Variants in CWH43 observed in about 807,000 individuals in gnomAD.
CWH43 encodes PGAP2-interacting protein.
CWH43 carries 91 observed loss-of-function variants against 85.7 expected under a neutral mutation model. The ratio of observed to expected loss-of-function variants is 1.06; its 90% confidence interval spans 0.90 to 1.26. The LOEUF is 1.26. CWH43 is among the 50% of genes most tolerant of loss of function. The pLI is 0.00. For synonymous variants in CWH43, 323 were observed against 293.6 expected (o/e 1.10, Z -1.02); for missense variants, 869 against 839.2 (o/e 1.04, Z -0.44).
rs779833322 is a variant in CWH43, at chr4:48,988,627, A to G, written c.194A>G (p.Asn65Ser). ...ATTACTCCTTTCTGGAAATTGGTTA[A>G]CAAGAAGTGGATGCTAACCCTGCTG... ...LTITPFWKLV[N>S]KKWMLTLLRI... The change falls in exon 2 of 16, where the codon AAC becomes AGC. Residue 65 changes from asparagine (N) to serine (S), a missense_variant. Transcript: ENST00000226432. 2 of 1,612,994 alleles carry G rather than the reference A, an allele frequency of 1.2e-6. No homozygotes were observed. The highest frequency in any genetic ancestry group is 3.3e-5 in the Admixed American group (2 of 59,938).
At chr4:49,013,561 C>T (rs1783437526) in intron 8 of CWH43, among the ~76,000 whole-genome samples, 1 of 152,242 alleles carries the variant, frequency 6.6e-6, no homozygotes, top group Non-Finnish European at 1.5e-5. Context: ...CAGAAATCGC[C>T]TGTCTTCTGT....
intron 4 of CWH43, 53 bp from the exon 5 acceptor site, chr4:48,994,566 C>G (rs753030703): frequency 9.0e-6 from 13 of 1,451,994 alleles, no homozygotes; most frequent in Non-Finnish European, 1.1e-5. Flanking sequence ...AAATATAGAG[C>G]GCAAATTTCC....
At chr4:48,988,690 T>C in intron 2 of CWH43, 22 bp downstream of exon 2, 1 of 1,489,010 alleles carries the variant, frequency 6.7e-7, no homozygotes, top group Non-Finnish European at 9.0e-7. Context: ...AAGAGTTTCT[T>C]TAAGTTGTTT....
At chr4:49,038,252 A>G in intron 13 of CWH43, 72 bp downstream of exon 13, 1 of 1,325,234 alleles carries the variant, frequency 7.5e-7, no homozygotes, top group Non-Finnish European at 1.0e-6. Context: ...TTTTAAAAAA[A>G]CCAACCTCAC....
chr4:49,025,441 T>G (rs777400841), intron 9 of CWH43, among the ~76,000 whole-genome samples: 7 of 152,310 alleles, frequency 4.6e-5, no homozygotes, highest in Non-Finnish European at 5.9e-5. Flanking sequence ...TTTTGCCATA[T>G]TAATAGAATT....
intron 1 of CWH43, among the ~76,000 whole-genome samples, chr4:48,986,958 CG>C (rs1782515432): frequency 6.6e-6 from 1 of 152,210 alleles, no homozygotes; most frequent in Non-Finnish European, 1.5e-5. Context: ...GCCTTGGTGT[CG>C]GCTGCACACT....
intron 7 of CWH43, 74 bp downstream of exon 7, chr4:49,004,066 C>T: frequency 7.7e-7 from 1 of 1,302,642 alleles, no homozygotes; most frequent in Non-Finnish European, 1.0e-6. Context: ...GGATTTAGCA[C>T]TTTATGTAAC....
chr4:49,056,997 G>T (rs142130207), intron 15 of CWH43, among the ~76,000 whole-genome samples: 1,790 of 152,158 alleles, frequency 0.012, 66 homozygotes, highest in Admixed American at 0.084. Flanking sequence ...AACTATTGTT[G>T]TTGGAAAGGC....
At chr4:49,010,575 C>T (rs1363020873) in intron 8 of CWH43, among the ~76,000 whole-genome samples, 6 of 152,028 alleles carry the variant, frequency 3.9e-5, no homozygotes, top group African/African-American at 1.4e-4. Flanking sequence ...GTTAGGGTGT[C>T]GATTTTAGAT....
intron 12 of CWH43, among the ~76,000 whole-genome samples, chr4:49,036,849 C>A (rs1401626739): frequency 2.0e-5 from 3 of 152,140 alleles, no homozygotes; most frequent in Non-Finnish European, 4.4e-5. Context: ...GTCTCTTCTG[C>A]GGCTCCAGCT....
At chr4:49,037,048 G>A (rs564527480) in intron 12 of CWH43, among the ~76,000 whole-genome samples, 6 of 152,198 alleles carry the variant, frequency 3.9e-5, no homozygotes, top group East Asian at 1.9e-4. Flanking sequence ...GCTTCCCATC[G>A]CCTAGCTAAC....
intron 6 of CWH43, 27 bp downstream of exon 6, chr4:48,998,575 A>G (rs1782891890): frequency 6.6e-7 from 1 of 1,509,658 alleles, no homozygotes; most frequent in African/African-American, 1.4e-5. Flanking sequence ...TGCAGATAGA[A>G]CACGACTGAG....
intron 7 of CWH43, among the ~76,000 whole-genome samples, chr4:49,005,322 T>A (rs907930645): frequency 3.3e-5 from 5 of 152,118 alleles, no homozygotes; most frequent in African/African-American, 1.2e-4. Context: ...GTACATTGTA[T>A]CCATTAATCA....
chr4:49,007,114 T>C, intron 7 of CWH43, 87 bp from the exon 8 acceptor site: 2 of 1,457,030 alleles, frequency 1.4e-6, no homozygotes, highest in Non-Finnish European at 1.8e-6. Context: ...GGTATGTTCC[T>C]TTCAAGGAAC....
chr4:49,019,736 T>C (rs1426464146), intron 9 of CWH43, among the ~76,000 whole-genome samples: 1 of 151,936 alleles, frequency 6.6e-6, no homozygotes, highest in Admixed American at 6.6e-5. Context: ...CACACCACCA[T>C]GCCCAGCTAA....
chr4:49,060,645 T>C (rs1352433925), intron 15 of CWH43, among the ~76,000 whole-genome samples: 2 of 152,190 alleles, frequency 1.3e-5, no homozygotes, highest in Non-Finnish European at 2.9e-5. Flanking sequence ...TAATGTGAAG[T>C]TGTCCTTCTT....
intron 5 of CWH43, among the ~76,000 whole-genome samples, chr4:48,996,339 A>G (rs1782813199): frequency 6.6e-6 from 1 of 151,854 alleles, no homozygotes; most frequent in African/African-American, 2.4e-5. Context: ...ACATATATAT[A>G]TGTATCTGTT....
rs142482409 is a variant in CWH43, at chr4:49,003,871, G to A, written c.939G>A (p.Gly313=). ...GHLINSGTNP[G]KTMTIAMIFY... ...TTATTAACTCAGGGACAAACCCTGG[G>A]AAAACCATGACCATTGCCATGATAT... The change falls in exon 7 of 16, where the codon GGG becomes GGA. Residue 313 remains glycine (G), a synonymous_variant. Coordinates refer to ENST00000226432, the MANE Select transcript of CWH43 (RefSeq NM_025087.3). 23 of 1,614,000 alleles carry A rather than the reference G, an allele frequency of 1.4e-5. No homozygotes were observed. In the African/African-American group the frequency reaches 1.6e-4, roughly 11 times the overall value.
At chr4:49,030,684 C>G (rs759966649) in intron 10 of CWH43, 141 bp from the exon 11 acceptor site, 7 of 655,730 alleles carry the variant, frequency 1.1e-5, no homozygotes, top group Non-Finnish European at 1.6e-5. Flanking sequence ...CCACTTCTCT[C>G]TAGTGACTCA....
Sources: allele counts gnomAD v4.1 joint callset (sites outside exome capture counted in the v4.1 genomes callset), GRCh38; gene constraint gnomAD v4.1.1; transcripts MANE v1.5; gene names NCBI Gene and HGNC (gene_info 2026-07-23, HGNC 2026-07-21).